The following GSG1L variants were observed in gnomAD, a reference collection of about 807,000 sequenced individuals.
GSG1L encodes the protein germ cell-specific gene 1-like protein.
Under a neutral mutation model 42.1 loss-of-function variants are expected in GSG1L, and 24 were observed. The ratio of observed to expected loss-of-function variants is 0.57; its 90% confidence interval spans 0.41 to 0.80. The LOEUF is 0.80. Ranked by LOEUF, GSG1L falls within the 30% of genes least tolerant of loss-of-function variation. The pLI is 0.00. For synonymous variants in GSG1L, 215 were observed against 203.5 expected (o/e 1.06, Z -0.48); for missense variants, 445 against 472.2 (o/e 0.94, Z 0.53).
intron 2 of GSG1L, among the ~76,000 whole-genome samples, chr16:27,939,451 T>C (rs908753351): frequency 5.9e-5 from 9 of 152,014 alleles, no homozygotes; most frequent in African/African-American, 2.2e-4. Flanking sequence ...TTAACTACAG[T>C]GGGATGAACC....
intron 1 of GSG1L, among the ~76,000 whole-genome samples, chr16:27,980,894 C>T (rs1344104383): frequency 1.5e-4 from 6 of 38,758 alleles, no homozygotes; most frequent in Non-Finnish European, 2.1e-4. Context: ...AACCAAAAAC[C>T]AAAAAACAAA....
intron 2 of GSG1L, among the ~76,000 whole-genome samples, chr16:27,936,362 C>G (rs1168877212): frequency 6.6e-6 from 1 of 152,182 alleles, no homozygotes; most frequent in Non-Finnish European, 1.5e-5. Context: ...ATGAATAGAT[C>G]AATGCCCTCC....
intron 2 of GSG1L, among the ~76,000 whole-genome samples, chr16:27,911,634 T>G (rs1427029019): frequency 6.6e-6 from 1 of 152,154 alleles, no homozygotes; most frequent in African/African-American, 2.4e-5. Flanking sequence ...CCTCAGGGCC[T>G]GTGCACCTGC....
intron 1 of GSG1L, among the ~76,000 whole-genome samples, chr16:28,024,432 AG>A (rs769448423): frequency 1.3e-5 from 2 of 152,234 alleles, no homozygotes; most frequent in African/African-American, 2.4e-5. Context: ...GCTGCTCCCA[AG>A]CAACGAGCCA....
intron 3 of GSG1L, among the ~76,000 whole-genome samples, chr16:27,846,416 G>T (rs1387070597): frequency 6.6e-6 from 1 of 152,138 alleles, no homozygotes; most frequent in Admixed American, 6.5e-5. Context: ...CCTTATGCCA[G>T]GATAGTAGGA....
At chr16:27,949,611 C>T (rs867724364) in intron 2 of GSG1L, among the ~76,000 whole-genome samples, 1 of 151,966 alleles carries the variant, frequency 6.6e-6, no homozygotes, top group African/African-American at 2.4e-5. Context: ...TAGAGTGAGA[C>T]CCCATCTCTA....
chr16:27,928,521 A>G (rs2084621473), intron 2 of GSG1L, among the ~76,000 whole-genome samples: 1 of 39,182 alleles, frequency 2.6e-5, no homozygotes, highest in Admixed American at 3.4e-4. Flanking sequence ...AGAAAAGAAA[A>G]CAAAACAAAA....
chr16:27,997,446 A>C (rs1023255983), intron 1 of GSG1L, among the ~76,000 whole-genome samples: 2 of 146,694 alleles, frequency 1.4e-5, no homozygotes, highest in Non-Finnish European at 3.0e-5. Flanking sequence ...CAGCCTCCCA[A>C]GTAGCTGGGA....
chr16:28,004,252 G>A (rs1030082805), intron 1 of GSG1L, among the ~76,000 whole-genome samples: 6 of 152,196 alleles, frequency 3.9e-5, no homozygotes, highest in African/African-American at 9.6e-5. Context: ...AAGAACAGCC[G>A]GTGTGGGCAT....
intron 2 of GSG1L, among the ~76,000 whole-genome samples, chr16:27,951,937 T>C (rs754482450): frequency 1.3e-5 from 2 of 152,162 alleles, no homozygotes; most frequent in Non-Finnish European, 2.9e-5. Context: ...AACCACATTG[T>C]TACACATCCC....
chr16:28,063,126 T>G lies in GSG1L; in HGVS notation c.299A>C (p.Asn100Thr). ...ETGDDRFLFR[N>T]FHTGIWYSCE... ...CGAGTACCAGATGCCGGTGTGGAAATTCCTGAAGAGGAAGCGGTCGTCGCC... is the reference window on the plus strand; with the variant it reads ...CGAGTACCAGATGCCGGTGTGGAAAGTCCTGAAGAGGAAGCGGTCGTCGCC... The change falls in exon 1 of 7, where the codon AAT becomes ACT. Residue 100 changes from asparagine to threonine, a missense_variant. Physicochemically the swap from Asn to Thr is moderately conservative, Grantham distance 65 (BLOSUM62 0). Around this residue, in one of 3 missense-constraint regions of GSG1L, gnomAD observed 149 missense variants for 223.3 expected, o/e 0.67. Coordinates refer to ENST00000447459, the MANE Select transcript of GSG1L (RefSeq NM_001109763.2). This position sits in a 1 kb window ranked among gnomAD's most constrained non-coding sequence, Gnocchi z 5.8. The G allele has an allele frequency of 1.4e-6, 2 of 1,439,350 alleles. No homozygotes were observed. Among genetic ancestry groups the G allele is most frequent in the African/African-American group, 1.5e-5 (1 of 67,262 alleles). 89.2% of individuals were successfully genotyped at this position (1,439,350 alleles called of 1,614,324 possible). A position where few individuals can be genotyped will look rare whatever the true frequency, so the allele number is the denominator to read the frequency against.
chr16:27,931,569 G>A (rs2084658172), intron 2 of GSG1L, among the ~76,000 whole-genome samples: 1 of 152,232 alleles, frequency 6.6e-6, no homozygotes, highest in Admixed American at 6.5e-5. Context: ...GTAGAAAGCT[G>A]GAGAATGCCC....
At chr16:27,979,698 G>GAAAGAAAGAGAGAGAGAGGGA (rs1567542882) in intron 1 of GSG1L, among the ~76,000 whole-genome samples, 1 of 33,986 alleles carries the variant, frequency 2.9e-5, no homozygotes, top group African/African-American at 1.5e-4. Context: ...AAGGAAGGAA[G>GAAAGAAAGAGAGAGAGAGGGA]GAAGGAAGGA....
At chr16:27,948,908 C>CTATATTAT (rs1555510177) in intron 2 of GSG1L, among the ~76,000 whole-genome samples, 1 of 141,360 alleles carries the variant, frequency 7.1e-6, no homozygotes, top group Non-Finnish European at 1.5e-5. Flanking sequence ...CGCACCTGAT[C>CTATATTAT]TATTATTATT....
chr16:27,813,065 C>T (rs2083051764), intron 5 of GSG1L, among the ~76,000 whole-genome samples: 1 of 152,174 alleles, frequency 6.6e-6, no homozygotes, highest in African/African-American at 2.4e-5. Context: ...CAGGTGTGAG[C>T]CACCGCACCC....
intron 5 of GSG1L, among the ~76,000 whole-genome samples, chr16:27,820,177 T>A (rs1206319447): frequency 6.6e-6 from 1 of 152,014 alleles, no homozygotes; most frequent in Non-Finnish European, 1.5e-5. Context: ...CCTTTGAGAA[T>A]CCAAGTAGAA....
intron 2 of GSG1L, among the ~76,000 whole-genome samples, chr16:27,947,428 G>GAAAGAA (rs749292101): frequency 1.5e-5 from 2 of 136,792 alleles, no homozygotes; most frequent in South Asian, 2.4e-4. Context: ...AAGAAAGAAA[G>GAAAGAA]AGAAGGAAGG....
At chr16:28,048,846 A>G (rs1201661012) in intron 1 of GSG1L, among the ~76,000 whole-genome samples, 1 of 152,236 alleles carries the variant, frequency 6.6e-6, no homozygotes, top group Non-Finnish European at 1.5e-5. Flanking sequence ...GAAAAGTCAG[A>G]CTAAAGAAAA....
intron 2 of GSG1L, among the ~76,000 whole-genome samples, chr16:27,906,395 C>G (rs991926318): frequency 4.6e-5 from 7 of 152,266 alleles, no homozygotes; most frequent in Admixed American, 3.9e-4. Flanking sequence ...CCCTATTTCC[C>G]CAGGCTCCCT....
Sources: gnomAD v4.1 joint callset for allele counts (sites outside exome capture counted in the v4.1 genomes callset) on GRCh38, gnomAD v4.1.1 for gene constraint, gnomAD v4.1.1 regional missense constraint, Gnocchi (gnomAD v3.1) non-coding constraint, MANE v1.5 for transcripts, NCBI Gene and HGNC (gene_info 2026-07-23, HGNC 2026-07-21) for gene names.